The following SCHIP1 variants were observed in gnomAD, a reference collection of about 807,000 sequenced individuals.
The protein encoded by SCHIP1 is schwannomin interacting protein 1, also known as schwannomin-interacting protein 1.
In SCHIP1, 8 loss-of-function variants were observed where a neutral mutation model predicts 29.7. The ratio of observed to expected loss-of-function variants is 0.27; its 90% CI spans 0.16 to 0.49. The LOEUF (loss-of-function observed/expected upper bound fraction) is 0.49, where lower values mean the gene tolerates loss of function less well. SCHIP1 is among the 20% of genes least tolerant of loss of function. SCHIP1 has a pLI of 0.99. For missense variants in SCHIP1, 193 were observed against 294.6 expected, an observed-to-expected ratio of 0.66 and a Z score of 2.52; for synonymous variants, 76 against 94.9, an observed-to-expected ratio of 0.80 and a Z score of 1.16.
At chr3:159,529,202 G>C in the SCHIP1 span, among the ~76,000 whole-genome samples, 1 of 152,190 alleles carries the variant, frequency 6.6e-6, no homozygotes, top group African/African-American at 2.4e-5. Context: ...GGTAAAAACA[G>C]TGGTAACTTC....
At chr3:159,764,235 G>C in the SCHIP1 span, 1 of 520,966 alleles carries the variant, frequency 1.9e-6, no homozygotes, top group Non-Finnish European at 3.3e-6. This position sits in a 1 kb window ranked among gnomAD's most constrained non-coding sequence, Gnocchi z 6.1. Flanking sequence ...GTTAGTTACC[G>C]GCAGGAAGTC....
At chr3:159,385,932 G>C in the SCHIP1 span, among the ~76,000 whole-genome samples, 1 of 152,044 alleles carries the variant, frequency 6.6e-6, no homozygotes, top group Non-Finnish European at 1.5e-5. Flanking sequence ...ACTTATGAGT[G>C]AGAACATGCA....
chr3:159,814,513 T>G, the SCHIP1 span, among the ~76,000 whole-genome samples: 2 of 152,200 alleles, frequency 1.3e-5, no homozygotes, highest in Non-Finnish European at 2.9e-5. Context: ...TAGTGTTTTG[T>G]AGTGGCTACA....
At chr3:159,425,634 A>G in the SCHIP1 span, among the ~76,000 whole-genome samples, 71 of 152,196 alleles carry the variant, frequency 4.7e-4, no homozygotes, top group African/African-American at 1.5e-3. Flanking sequence ...ACAGATCAAC[A>G]AGACAGAAAG....
the SCHIP1 span, among the ~76,000 whole-genome samples, chr3:159,299,982 G>A: frequency 6.6e-6 from 1 of 152,048 alleles, no homozygotes; most frequent in Admixed American, 6.6e-5. Flanking sequence ...CCTTGGGGAG[G>A]TAGAGGTTAG....
the SCHIP1 span, among the ~76,000 whole-genome samples, chr3:159,682,173 T>A: frequency 6.6e-6 from 1 of 152,258 alleles, no homozygotes; most frequent in Admixed American, 6.5e-5. Flanking sequence ...TTTAATATCC[T>A]CATCTTTCCC....
At chr3:159,434,754 C>A in the SCHIP1 span, among the ~76,000 whole-genome samples, 1 of 152,114 alleles carries the variant, frequency 6.6e-6, no homozygotes, top group Non-Finnish European at 1.5e-5. Flanking sequence ...TTTGTTTAGC[C>A]TGTAATAAGT....
In SCHIP1 at chr3:159,867,858, T is replaced by C. The variant is rs376530759; in HGVS notation, c.149+1577T>C. 3.4e-4 allele frequency among the ~76,000 whole-genome samples: 51 copies of C among 152,112 alleles called. No homozygotes were observed. The East Asian group carries it at 9.1e-3, about 27-fold the overall frequency. On this transcript the variant is annotated intron_variant, in intron 2 of 6. Transcript: ENST00000445224. The stretch of plus-strand genomic sequence containing the variant: ...ATATCATCTTATAGATCTCTGCTAC[T>C]GCTCTCTAATATTTCCCAGAGTGCC...
the SCHIP1 span, among the ~76,000 whole-genome samples, chr3:159,741,872 G>T: frequency 2.0e-5 from 3 of 152,164 alleles, no homozygotes; most frequent in South Asian, 4.1e-4. Flanking sequence ...CCAAATATTT[G>T]ATCAGTCTTA....
the SCHIP1 span, among the ~76,000 whole-genome samples, chr3:159,802,421 C>T: frequency 3.3e-5 from 5 of 152,190 alleles, no homozygotes; most frequent in African/African-American, 4.8e-5. Flanking sequence ...GTGTGTGTCA[C>T]TTGCAACTAG....
chr3:159,685,310 A>G, the SCHIP1 span, among the ~76,000 whole-genome samples: 1 of 152,362 alleles, frequency 6.6e-6, no homozygotes. Flanking sequence ...AAAACATAAC[A>G]TAAATTTATG....
the SCHIP1 span, among the ~76,000 whole-genome samples, chr3:159,429,887 C>T: frequency 6.6e-6 from 1 of 152,108 alleles, no homozygotes; most frequent in African/African-American, 2.4e-5. Flanking sequence ...GATTTATTTA[C>T]TAAACTGTCA....
chr3:159,831,982 T>C, the SCHIP1 span, among the ~76,000 whole-genome samples: 2 of 152,216 alleles, frequency 1.3e-5, no homozygotes, highest in South Asian at 4.1e-4. Context: ...ATAGTCATTA[T>C]CTATACTTAA....
chr3:159,306,565 C>A, the SCHIP1 span: 1 of 907,480 alleles, frequency 1.1e-6, no homozygotes, highest in Non-Finnish European at 1.3e-6. Context: ...TTATACTGAG[C>A]GCCTAAAAAT....
the SCHIP1 span, among the ~76,000 whole-genome samples, chr3:159,507,862 G>A: frequency 2.6e-5 from 4 of 152,230 alleles, no homozygotes; most frequent in East Asian, 1.9e-4. Flanking sequence ...TGCTGGATTC[G>A]GTTTGCCAGT....
chr3:159,523,885 G>A, the SCHIP1 span, among the ~76,000 whole-genome samples: 1 of 152,282 alleles, frequency 6.6e-6, no homozygotes, highest in Non-Finnish European at 1.5e-5. Flanking sequence ...AGAAAGAATT[G>A]CCTCCTCAAA....
chr3:159,684,317 A>AAAG, the SCHIP1 span, among the ~76,000 whole-genome samples: 1 of 151,738 alleles, frequency 6.6e-6, no homozygotes, highest in Non-Finnish European at 1.5e-5. Flanking sequence ...TCCTTCAAAA[A>AAAG]CCCTAATAAG....
chr3:159,514,493 C>T, the SCHIP1 span, among the ~76,000 whole-genome samples: 1 of 152,174 alleles, frequency 6.6e-6, no homozygotes, highest in Non-Finnish European at 1.5e-5. Context: ...CATGGCTATA[C>T]CCGACTGTCC....
At chr3:159,393,950 G>A in the SCHIP1 span, among the ~76,000 whole-genome samples, 1 of 152,242 alleles carries the variant, frequency 6.6e-6, no homozygotes, top group African/African-American at 2.4e-5. Context: ...CCATGAGCAT[G>A]GGATGTTCTT....
Sources: gnomAD v4.1 joint callset for allele counts (sites outside exome capture counted in the v4.1 genomes callset) on GRCh38, gnomAD v4.1.1 for gene constraint, Gnocchi (gnomAD v3.1) non-coding constraint, MANE v1.5 for transcripts, NCBI Gene and HGNC (gene_info 2026-07-23, HGNC 2026-07-21) for gene names.